The following NEXN variants were observed in gnomAD, a reference collection of about 807,000 sequenced individuals.
The protein encoded by NEXN is nexilin F-actin binding protein.
In NEXN, 65 loss-of-function variants were observed where a neutral mutation model predicts 92.6. The observed-to-expected ratio is 0.70, with a 90% CI of 0.57 to 0.86. The LOEUF is 0.86. NEXN is among the 40% of genes least tolerant of loss of function. The pLI, the probability that NEXN is intolerant of heterozygous loss-of-function variation, is 0.00. For missense variants in NEXN, 778 were observed against 771.1 expected (o/e 1.01, Z -0.11); for synonymous variants, 254 against 242.5 (o/e 1.05, Z -0.44).
intron 11 of NEXN, chr1:77,941,789 AT>A: frequency 2.0e-6 from 1 of 512,372 alleles, no homozygotes; most frequent in Non-Finnish European, 3.5e-6. Context: ...TCCCAGTGAT[AT>A]TGTGATCTTT....
chr1:77,910,802 T>C (rs1224874514), intron 1 of NEXN, among the ~76,000 whole-genome samples: 2 of 149,772 alleles, frequency 1.3e-5, no homozygotes, highest in Non-Finnish European at 3.0e-5. Flanking sequence ...GGTTGCAAGA[T>C]ATAAAACCAG....
chr1:77,926,550 G>T lies in NEXN; in HGVS notation c.626G>T (p.Arg209Ile), dbSNP rs1433269866. 11 of 1,613,668 alleles carry T rather than the reference G, an allele frequency of 6.8e-6. No individual in the cohort carries two copies. The highest frequency in any genetic ancestry group is 1.7e-5 in the Admixed American group (1 of 59,986). ...KERIKYEEDK[R>I]IRYEEQRPSL... ...AGGATCAAGTACGAGGAAGATAAAA[G>T]AATAAGATATGAAGAACAACGACCA... The change falls in exon 7 of 13, where the codon AGA becomes ATA. Residue 209 changes from arginine (R) to isoleucine (I), a missense_variant. Transcript: ENST00000334785.
intron 8 of NEXN, among the ~76,000 whole-genome samples, chr1:77,927,966 C>G (rs1649993727): frequency 6.6e-6 from 1 of 151,844 alleles, no homozygotes; most frequent in African/African-American, 2.4e-5. Flanking sequence ...GATTTATCAA[C>G]AGAAAGTAAA....
chr1:77,929,264 T>C, intron 8 of NEXN, 52 bp from the exon 9 acceptor site: 1 of 1,303,680 alleles, frequency 7.7e-7, no homozygotes, highest in Non-Finnish European at 1.1e-6. Context: ...AATAATTCAT[T>C]CCTTTTTCTG....
chr1:77,897,309 C>T (rs1234308187), intron 1 of NEXN, among the ~76,000 whole-genome samples: 2 of 152,204 alleles, frequency 1.3e-5, no homozygotes, highest in African/African-American at 2.4e-5. Context: ...AGCTTATCCA[C>T]CATGATCAAG....
At chr1:77,914,988 A>G (rs1648856539) in intron 1 of NEXN, among the ~76,000 whole-genome samples, 1 of 152,174 alleles carries the variant, frequency 6.6e-6, no homozygotes, top group Non-Finnish European at 1.5e-5. Flanking sequence ...GTAAATAGCT[A>G]GAAAATTATA....
chr1:77,943,062 A>C lies in NEXN; in HGVS notation c.*233A>C. On this transcript the variant is annotated 3_prime_UTR_variant, in exon 13 of 13. Transcript: ENST00000334785. ...CATAACAGTCTTCAAAGCACAGCTC[A>C]TCTAAAGAATGCCTACTTCTTTTCC... The C allele has an allele frequency of 1.1e-5, 6 of 524,378 alleles. No individual in the cohort carries two copies. In the East Asian group the frequency reaches 1.2e-4, roughly 11 times the overall value. The allele number at this position is 524,378 out of a possible 1,614,324, so 32.5% of individuals were successfully genotyped here. A position where few individuals can be genotyped will look rare whatever the true frequency, so the allele number is the denominator to read the frequency against.
rs373778361 is a variant in NEXN at position 77,917,695 on chromosome 1, G to A, written c.157G>A (p.Glu53Lys). ...AAGAAATCAAAGGAGATCTAGAGACGAAAAACAAAGAAGAAAAGAACAATA... is the reference window on the plus strand; with the variant it reads ...AAGAAATCAAAGGAGATCTAGAGACAAAAAACAAAGAAGAAAAGAACAATA... Reference protein sequence around the residue: ...EERNQRRSRDEKQRRKEQYIR... With the variant: ...EERNQRRSRDKKQRRKEQYIR... Residue 53 changes from glutamate to lysine, a missense_variant, in exon 3 of 13, where the codon GAA becomes AAA. Transcript: ENST00000334785. 7.1e-5 allele frequency: 114 copies of A among 1,611,658 alleles called. 1 individual carries two copies. Among genetic ancestry groups the A allele is most frequent in the Middle Eastern group, 3.3e-4 (2 of 6,046 alleles).
At chr1:77,899,663 TA>T (rs886563275) in intron 1 of NEXN, among the ~76,000 whole-genome samples, 3 of 150,892 alleles carry the variant, frequency 2.0e-5, no homozygotes, top group Middle Eastern at 3.4e-3. Flanking sequence ...AATAATAAAA[TA>T]AAAAAATAAA....
At chr1:77,923,822 C>T (rs1484412349) in intron 5 of NEXN, among the ~76,000 whole-genome samples, 1 of 151,552 alleles carries the variant, frequency 6.6e-6, no homozygotes, top group East Asian at 2.0e-4. Context: ...GGACTACAGG[C>T]GTGTGCCACC....
At chr1:77,921,251 T>A (rs1649394971) in intron 5 of NEXN, among the ~76,000 whole-genome samples, 1 of 152,092 alleles carries the variant, frequency 6.6e-6, no homozygotes, top group Non-Finnish European at 1.5e-5. Flanking sequence ...CTTGGGAGGC[T>A]AAAGTGGGAG....
Position 77,918,188 on chromosome 1 carries a change from C to A in NEXN, c.362C>A (p.Thr121Lys). 6.2e-7 allele frequency: 1 copy of A among 1,613,224 alleles called. No individual in the cohort carries two copies. The highest frequency in any genetic ancestry group is 8.5e-7 in the Non-Finnish European group (1 of 1,179,764). The part of the protein sequence containing the change: ...KQRQEEQRKR[T>K]EEERKRRIEQ... ...AGACAAGAGGAACAAAGGAAGAGAA[C>A]GGAGGAGGAACGAAAACGCAGAATT... is the stretch of plus-strand genomic sequence containing the variant. The change falls in exon 5 of 13, where the codon ACG becomes AAG. Residue 121 changes from threonine to lysine, a missense_variant. Coordinates refer to ENST00000334785, the MANE Select transcript of NEXN (RefSeq NM_144573.4).
At chr1:77,939,139 GAACA>G (rs1651041881) in intron 11 of NEXN, among the ~76,000 whole-genome samples, 2 of 152,038 alleles carry the variant, frequency 1.3e-5, no homozygotes, top group South Asian at 2.1e-4. Context: ...GATAGGAGTT[GAACA>G]AACAAAAAAG....
At chr1:77,906,787 T>C (rs1648142976) in intron 1 of NEXN, among the ~76,000 whole-genome samples, 1 of 152,084 alleles carries the variant, frequency 6.6e-6, no homozygotes, top group Non-Finnish European at 1.5e-5. Context: ...CCCAAGTAGC[T>C]GGGACTACAG....
chr1:77,921,828 C>G (rs755603118), intron 5 of NEXN, among the ~76,000 whole-genome samples: 1 of 152,168 alleles, frequency 6.6e-6, no homozygotes, highest in South Asian at 2.1e-4. Context: ...GGAGGATGAT[C>G]GCCTCAGCTC....
intron 5 of NEXN, among the ~76,000 whole-genome samples, chr1:77,923,000 TGTC>T (rs1394033767): frequency 1.3e-5 from 2 of 148,470 alleles, no homozygotes; most frequent in Non-Finnish European, 3.0e-5. Flanking sequence ...AGAAATTGGG[TGTC>T]TTTTTTTTTT....
At position 77,942,213 on chromosome 1, in the gene NEXN, C is replaced by T. The variant is rs575910839; in HGVS notation, c.1659+5C>T. ...ATTGATGCAGCACTACAAAAGGTAC[C>T]AGGCTTATGTATCCTTTATTTTCCA... On this transcript the variant is annotated splice_donor_5th_base_variant and intron_variant, in intron 12 of 12. Transcript: ENST00000334785. 5.0e-6 allele frequency: 8 copies of T among 1,612,150 alleles called. No homozygotes were observed. The highest frequency in any genetic ancestry group is 6.8e-6 in the Non-Finnish European group (8 of 1,178,388).
chr1:77,915,554 G>A (rs1390156009), intron 1 of NEXN, among the ~76,000 whole-genome samples: 3 of 152,186 alleles, frequency 2.0e-5, no homozygotes, highest in African/African-American at 4.8e-5. Context: ...GTGTGAACCC[G>A]GGAGGCAGAG....
chr1:77,901,231 AAAC>A (rs1647682464), intron 1 of NEXN, among the ~76,000 whole-genome samples: 3 of 152,316 alleles, frequency 2.0e-5, no homozygotes, highest in South Asian at 4.1e-4. Flanking sequence ...ACTTCAATCA[AAAC>A]AACATCACCG....
Sources: gnomAD v4.1 joint callset for allele counts (sites outside exome capture counted in the v4.1 genomes callset) on GRCh38, gnomAD v4.1.1 for gene constraint, MANE v1.5 for transcripts, NCBI Gene and HGNC (gene_info 2026-07-23, HGNC 2026-07-21) for gene names.